The following CDH13 variants were observed in gnomAD, a reference collection of about 807,000 sequenced individuals.
The protein encoded by CDH13 is cadherin 13.
Under a neutral mutation model 63.8 loss-of-function variants are expected in CDH13, and 24 were observed. The ratio of observed to expected loss-of-function variants is 0.38; its 90% CI spans 0.27 to 0.53. CDH13 has a LOEUF of 0.53. CDH13 is among the 20% of genes least tolerant of loss of function. CDH13 has a pLI of 0.85. For synonymous variants in CDH13, 503 were observed against 355.3 expected, an observed-to-expected ratio of 1.42 and a Z score of -4.67; for missense variants, 1,049 against 903.1, an observed-to-expected ratio of 1.16 and a Z score of -2.07.
At chr16:83,014,594 G>C (rs546701568) in intron 2 of CDH13, among the ~76,000 whole-genome samples, 1 of 150,424 alleles carries the variant, frequency 6.6e-6, no homozygotes, top group Admixed American at 6.7e-5. Flanking sequence ...TTAGCCGAGT[G>C]GTGGCCCATG....
chr16:82,710,475 G>C (rs1488011082), intron 1 of CDH13, among the ~76,000 whole-genome samples: 1 of 134,436 alleles, frequency 7.4e-6, no homozygotes, highest in African/African-American at 2.8e-5. Context: ...GGAGCTTGCA[G>C]TGAGCCGAGA....
At chr16:82,792,542 C>T (rs989733269) in intron 1 of CDH13, among the ~76,000 whole-genome samples, 1 of 151,966 alleles carries the variant, frequency 6.6e-6, no homozygotes, top group Non-Finnish European at 1.5e-5. Context: ...AGTCATTGAC[C>T]CCAGGTTTAG....
Position 83,301,480 on chromosome 16 carries a change from C to T in CDH13, c.637-43382C>T, listed in dbSNP as rs192446437. Reference sequence around the variant, plus strand: ...CTCATCATTTCGGAGTTTTTCTCTCCGTGATGCTGCCACATGTGTCAGGGC... The same window carrying T: ...CTCATCATTTCGGAGTTTTTCTCTCTGTGATGCTGCCACATGTGTCAGGGC... On this transcript the variant is annotated intron_variant, in intron 5 of 13. Transcript: ENST00000567109. 1.8e-3 allele frequency among the ~76,000 whole-genome samples: 269 copies of T among 152,162 alleles called. 3 individuals carry two copies. The highest frequency in any genetic ancestry group is 0.01 in the Middle Eastern group (3 of 294).
At chr16:83,142,222 G>A (rs1047360240) in intron 4 of CDH13, among the ~76,000 whole-genome samples, 3 of 144,446 alleles carry the variant, frequency 2.1e-5, no homozygotes, top group Admixed American at 7.3e-5. Context: ...GTGCAGTGGT[G>A]TAATCTCAGC....
chr16:83,581,788 C>T lies in CDH13; in HGVS notation c.961-20666C>T, dbSNP rs1905628614. On this transcript the variant is annotated intron_variant, in intron 7 of 13. Transcript: ENST00000567109. The stretch of plus-strand genomic sequence containing the variant: ...GAGCCAAAATCATGCTATTGCACTC[C>T]AGCCTGGGTAACAGAGCAAGACCCT... Among the ~76,000 whole-genome samples, 4 of 152,166 alleles carry T rather than the reference C, an allele frequency of 2.6e-5. No homozygotes were observed. In the South Asian group the frequency reaches 8.3e-4, roughly 32 times the overall value.
intron 13 of CDH13, among the ~76,000 whole-genome samples, chr16:83,787,224 C>T (rs949325458): frequency 6.6e-6 from 1 of 152,224 alleles, no homozygotes; most frequent in Non-Finnish European, 1.5e-5. Flanking sequence ...TGCTCTAATT[C>T]AGCGTTCAGC....
rs1447895851 is a variant in CDH13, at chr16:83,088,960, A to AT, written c.367-36417dup. 4.6e-5 allele frequency among the ~76,000 whole-genome samples: 7 copies of AT among 152,066 alleles called. No homozygotes were observed. The South Asian group carries it at 8.3e-4, about 18-fold the overall frequency. On this transcript the variant is annotated intron_variant, in intron 3 of 13. Coordinates refer to ENST00000567109, the MANE Select transcript of CDH13 (RefSeq NM_001257.5). ...CCATTCATTAATATATGATCAATAG[A>AT]TTTTTTTTGGTACAAGGGCAGAATT...
At chr16:83,217,756 A>T (rs1489033036) in intron 5 of CDH13, among the ~76,000 whole-genome samples, 1 of 152,164 alleles carries the variant, frequency 6.6e-6, no homozygotes, top group African/African-American at 2.4e-5. Flanking sequence ...CCCTGGGGGC[A>T]TCTCAGAGGA....
At chr16:82,869,610 A>G (rs537854242) in intron 2 of CDH13, among the ~76,000 whole-genome samples, 35 of 152,226 alleles carry the variant, frequency 2.3e-4, no homozygotes, top group Non-Finnish European at 4.1e-4. Flanking sequence ...TAACTAAAAC[A>G]GTGTGATACT....
intron 10 of CDH13, chr16:83,716,963 C>T (rs1014651787): frequency 6.6e-6 from 1 of 152,612 alleles, no homozygotes; most frequent in African/African-American, 2.4e-5. Context: ...AGGCCAGACT[C>T]AGGCTGGACA....
At chr16:83,591,543 C>G (rs879436534) in intron 7 of CDH13, among the ~76,000 whole-genome samples, 2 of 152,178 alleles carry the variant, frequency 1.3e-5, no homozygotes, top group Non-Finnish European at 2.9e-5. Flanking sequence ...CTCTTCACCT[C>G]ACAAACCTTG....
chr16:83,311,201 TC>T (rs2151885607), intron 5 of CDH13, among the ~76,000 whole-genome samples: 2 of 152,356 alleles, frequency 1.3e-5, no homozygotes, highest in South Asian at 4.1e-4. Flanking sequence ...TTAAAATTCA[TC>T]TGAAGTCTTG....
intron 6 of CDH13, among the ~76,000 whole-genome samples, chr16:83,386,143 T>G (rs769907892): frequency 2.0e-5 from 3 of 152,240 alleles, no homozygotes; most frequent in Non-Finnish European, 4.4e-5. Context: ...TGAGGAAACA[T>G]GAGCTGCTGT....
chr16:83,471,299 T>G (rs150342338), intron 6 of CDH13, among the ~76,000 whole-genome samples: 3,283 of 126,552 alleles, frequency 0.026, 144 homozygotes, highest in African/African-American at 0.092. Context: ...TTTTGAGACG[T>G]AGTTTTACTC....
At chr16:83,478,836 G>GAAAAAAA (rs374669824) in intron 6 of CDH13, among the ~76,000 whole-genome samples, 4 of 112,302 alleles carry the variant, frequency 3.6e-5, no homozygotes, top group Admixed American at 9.4e-5. Context: ...TTGAAGATGA[G>GAAAAAAA]AAAAAAAAAA....
At chr16:83,497,340 G>A (rs562924961) in intron 7 of CDH13, among the ~76,000 whole-genome samples, 96 of 152,176 alleles carry the variant, frequency 6.3e-4, no homozygotes, top group African/African-American at 2.0e-3. Flanking sequence ...CATAAAAAAG[G>A]ATGAGTTCAT....
intron 1 of CDH13, among the ~76,000 whole-genome samples, chr16:82,751,220 C>T (rs7206687): frequency 0.13 from 20,548 of 152,216 alleles, 1,471 homozygotes; most frequent in East Asian, 0.23. Context: ...GGGCTTGCAA[C>T]ATGTACAATT....
In CDH13 at chr16:83,582,458, T is replaced by C. The variant is rs78331238; in HGVS notation, c.961-19996T>C. On this transcript the variant is annotated intron_variant, in intron 7 of 13. Coordinates refer to ENST00000567109, the MANE Select transcript of CDH13 (RefSeq NM_001257.5). Reference sequence around the variant, plus strand: ...TTTCAAAATTTAAGGTACTGCCTTGTTATGCAAATCACACATGTTTCTAGT... The same window carrying C: ...TTTCAAAATTTAAGGTACTGCCTTGCTATGCAAATCACACATGTTTCTAGT... Among the ~76,000 whole-genome samples, 328 of 152,302 alleles carry C rather than the reference T, an allele frequency of 2.2e-3. 12 individuals carry two copies. In the East Asian group the frequency reaches 0.048, roughly 22 times the overall value.
chr16:83,722,868 C>T (rs1909882172), intron 10 of CDH13, among the ~76,000 whole-genome samples: 1 of 152,176 alleles, frequency 6.6e-6, no homozygotes, highest in Admixed American at 6.5e-5. Flanking sequence ...TCTTTATCAG[C>T]AGCCATGGAT....
Sources: gnomAD v4.1 joint callset for allele counts (sites outside exome capture counted in the v4.1 genomes callset) on GRCh38, gnomAD v4.1.1 for gene constraint, MANE v1.5 for transcripts, NCBI Gene and HGNC (gene_info 2026-07-23, HGNC 2026-07-21) for gene names.